The following GOLGA2 variants were observed in gnomAD, a reference collection of about 807,000 sequenced individuals.
GOLGA2 encodes golgin subfamily A member 2.
Under a neutral mutation model 148.8 loss-of-function variants are expected in GOLGA2, and 49 were observed. That is an observed-to-expected ratio of 0.33 (90% confidence interval 0.26 to 0.42). GOLGA2 has a LOEUF of 0.42. GOLGA2 is among the 10% of genes least tolerant of loss of function. The pLI is 1.00. For synonymous variants in GOLGA2, 501 were observed against 511.8 expected, an observed-to-expected ratio of 0.98 and a Z score of 0.28; for missense variants, 1,178 against 1,304.6, an observed-to-expected ratio of 0.90 and a Z score of 1.49.
chr9:128,259,402 AC>A lies in GOLGA2; in HGVS notation c.1873-12del. ...GCTCTTCAGCTCCACCTGTAGGAAG[AC>A]CCTGGGCGTGAGGGCAGGTGGTGGC... On this transcript the variant is annotated splice_polypyrimidine_tract_variant and intron_variant, in intron 19 of 26. Transcript: ENST00000611957. 1 of 1,547,202 alleles carries A rather than the reference AC, an allele frequency of 6.5e-7. No homozygotes were observed. The highest frequency in any genetic ancestry group is 8.8e-7 in the Non-Finnish European group (1 of 1,139,808).
At chr9:128,267,884 T>A in intron 6 of GOLGA2, 50 bp downstream of exon 6, 1 of 1,379,288 alleles carries the variant, frequency 7.3e-7, no homozygotes. Context: ...TCAGTTTCTA[T>A]CATAGTTCCC....
Position 128,259,278 on chromosome 9 carries a change from C to T in GOLGA2, c.1986G>A (p.Val662=), listed in dbSNP as rs753866907. ...TCTGCAGCAGTAGCTGATTATGCAG[C>T]ACCTCCTTCTCAGAGGTCAGCTGCT... The part of the protein sequence containing the change: ...AYQQLTSEKE[V]LHNQLLLQTQ... The change falls in exon 20 of 27, where the codon GTG becomes GTA. Residue 662 remains valine, a synonymous_variant. Coordinates refer to ENST00000611957, the MANE Select transcript of GOLGA2 (RefSeq NM_001366244.2). 6.2e-7 allele frequency: 1 copy of T among 1,611,872 alleles called. No individual in the cohort carries two copies.
In GOLGA2 at chr9:128,261,749, G is replaced by T; in HGVS notation, c.1143C>A (p.Ser381Arg). The T allele has an allele frequency of 1.2e-6, 2 of 1,609,590 alleles. No individual in the cohort carries two copies. Among genetic ancestry groups the T allele is most frequent in the Non-Finnish European group, 1.7e-6 (2 of 1,175,784 alleles). Residue 381 changes from serine (S) to arginine (R), a missense_variant, in exon 15 of 27, where the codon AGC becomes AGA. By Grantham distance (110) the Ser-to-Arg change is moderately radical. Transcript: ENST00000611957. The surrounding 1 kb of genome is among the most constrained non-coding windows in gnomAD (Gnocchi z 5.7). Reference sequence around the variant, plus strand: ...GGTTAGCATCAGGGGCTTCACACCGGCTTGAAAACTGGATGGTGAAGAGCG... The same window carrying T: ...GGTTAGCATCAGGGGCTTCACACCGTCTTGAAAACTGGATGGTGAAGAGCG... ...MTELLLQQFSSRCEAPDANQQ... is the reference protein window; with the variant it reads ...MTELLLQQFSRRCEAPDANQQ...
At chr9:128,270,908 C>T (rs1218724801) in intron 3 of GOLGA2, among the ~76,000 whole-genome samples, 1 of 151,780 alleles carries the variant, frequency 6.6e-6, no homozygotes, top group African/African-American at 2.4e-5. Context: ...AATGGCCGGG[C>T]GTGATGGTGC....
At chr9:128,265,503 A>G (rs1176530959) in intron 12 of GOLGA2, 82 bp downstream of exon 12, 7 of 1,037,516 alleles carry the variant, frequency 6.7e-6, no homozygotes, top group Non-Finnish European at 1.1e-5. Context: ...AGGACAGTCA[A>G]CCCTGCAGAA....
At chr9:128,259,776 A>C (rs1403897226) in intron 19 of GOLGA2, among the ~76,000 whole-genome samples, 1 of 152,244 alleles carries the variant, frequency 6.6e-6, no homozygotes, top group African/African-American at 2.4e-5. Context: ...AATGATGACC[A>C]GTGGAGCAAA....
intron 3 of GOLGA2, among the ~76,000 whole-genome samples, chr9:128,272,040 TA>T (rs145810838): frequency 0.09 from 12,539 of 139,174 alleles, 558 homozygotes; most frequent in East Asian, 0.18. Flanking sequence ...TGAATTAATT[TA>T]AAAAAAAAAA....
In GOLGA2 at chr9:128,260,076, C is replaced by T. The variant is rs1034965776; in HGVS notation, c.1872G>A (p.Thr624=). ...CCCTTCTTGGATGGGGCGGGGTTAC[C>T]GTTTCCTTCAGCTCGCTCAGCTTCT... ...LQEKLSELKE[T]VELKSQEAQS... Residue 624 remains threonine (T), a splice_region_variant and synonymous_variant, in exon 19 of 27, where the codon ACG becomes ACA. Coordinates refer to ENST00000611957, the MANE Select transcript of GOLGA2 (RefSeq NM_001366244.2). The surrounding 1 kb of genome is among the most constrained non-coding windows in gnomAD (Gnocchi z 4.8). The T allele has an allele frequency of 1.0e-5, 16 of 1,603,014 alleles. No homozygotes were observed. The highest frequency in any genetic ancestry group is 1.7e-5 in the Admixed American group (1 of 59,986).
intron 2 of GOLGA2, among the ~76,000 whole-genome samples, chr9:128,273,299 A>T (rs1588493384): frequency 6.6e-6 from 1 of 152,242 alleles, no homozygotes; most frequent in Non-Finnish European, 1.5e-5. Flanking sequence ...ATCCAATGTC[A>T]CCTCACAGAG....
chr9:128,259,621 G>C (rs1453386737), intron 19 of GOLGA2, among the ~76,000 whole-genome samples: 7 of 152,234 alleles, frequency 4.6e-5, no homozygotes, highest in Admixed American at 4.6e-4. Flanking sequence ...GAAACGCAGA[G>C]GGAGCCAACC....
chr9:128,266,494 T>A lies in GOLGA2; in HGVS notation c.643-169A>T, dbSNP rs1012472002. ...CCTCAGGCTCTCAAGGAAAGGGGAT[T>A]TGTGTCTTTGTTGGTTTTTGCCCAC... On this transcript the variant is annotated intron_variant, in intron 8 of 26. Transcript: ENST00000611957. The surrounding 1 kb of genome is among the most constrained non-coding windows in gnomAD (Gnocchi z 4.2). The A allele has an allele frequency of 2.7e-5, 17 of 626,870 alleles. No individual in the cohort carries two copies. The African/African-American group carries it at 2.9e-4, about 11-fold the overall frequency. The allele number at this position is 626,870 out of a possible 1,614,324, so 38.8% of individuals were successfully genotyped here.
In GOLGA2 at chr9:128,267,002, A is replaced by C. The variant is rs563727576; in HGVS notation, c.642+192T>G. 116 of 632,284 alleles carry C rather than the reference A, an allele frequency of 1.8e-4. 4 individuals carry two copies. The South Asian group carries it at 2.2e-3, about 12-fold the overall frequency. 39.2% of individuals were successfully genotyped at this position (632,284 alleles called of 1,614,324 possible). A position where few individuals can be genotyped will look rare whatever the true frequency, so the allele number is the denominator to read the frequency against. ...GGTGTCTAGAGAAGAGAGAGTAGGCAAAGAGGGCAGCAACAGAAGAGCCAT... is the reference window on the plus strand; with the variant it reads ...GGTGTCTAGAGAAGAGAGAGTAGGCCAAGAGGGCAGCAACAGAAGAGCCAT... On this transcript the variant is annotated intron_variant, in intron 8 of 26. Coordinates refer to ENST00000611957, the MANE Select transcript of GOLGA2 (RefSeq NM_001366244.2).
In GOLGA2 at chr9:128,266,115, G is replaced by A; in HGVS notation, c.682-95C>T. 7.2e-7 allele frequency: 1 copy of A among 1,397,706 alleles called. No individual in the cohort carries two copies. 86.6% of individuals were successfully genotyped at this position (1,397,706 alleles called of 1,614,324 possible). A position where few individuals can be genotyped will look rare whatever the true frequency, so the allele number is the denominator to read the frequency against. On this transcript the variant is annotated intron_variant, in intron 9 of 26. Coordinates refer to ENST00000611957, the MANE Select transcript of GOLGA2 (RefSeq NM_001366244.2). The surrounding 1 kb of genome is among the most constrained non-coding windows in gnomAD (Gnocchi z 4.2). ...AGAATGCCACCAATGTCCCAGGACA[G>A]GCCCACCCATGGGACCAGGTTATCA...
chr9:128,275,515 GC>G lies in GOLGA2; in HGVS notation c.84+377del, dbSNP rs891852288. The G allele has an allele frequency of 6.9e-6, 9 of 1,307,614 alleles. No individual in the cohort carries two copies. In the Admixed American group the frequency reaches 1.2e-4, roughly 17 times the overall value. The allele number at this position is 1,307,614 out of a possible 1,614,324, so 81.0% of individuals were successfully genotyped here. The stretch of plus-strand genomic sequence containing the variant: ...GCAGGAGGTGAGGGTCGAGTCTGGA[GC>G]GGGGGGCCCCGGGAGTCACGGGCCC... On this transcript the variant is annotated intron_variant, in intron 1 of 26. Coordinates refer to ENST00000611957, the MANE Select transcript of GOLGA2 (RefSeq NM_001366244.2).
Position 128,266,917 on chromosome 9 carries a change from G to T in GOLGA2, c.642+277C>A. 1.8e-6 allele frequency: 1 copy of T among 549,008 alleles called. No homozygotes were observed. 34.0% of individuals were successfully genotyped at this position (549,008 alleles called of 1,614,324 possible). A position where few individuals can be genotyped will look rare whatever the true frequency, so the allele number is the denominator to read the frequency against. ...ATACAGGGCTCCTGACAACCAGTCA[G>T]GCTAGCGCTTCCCCAAGAGGCAACA... On this transcript the variant is annotated intron_variant, in intron 8 of 26. Coordinates refer to ENST00000611957, the MANE Select transcript of GOLGA2 (RefSeq NM_001366244.2). This position sits in a 1 kb window ranked among gnomAD's most constrained non-coding sequence, Gnocchi z 4.2.
At chr9:128,272,925 G>A in intron 2 of GOLGA2, 60 bp from the exon 3 acceptor site, 1 of 587,420 alleles carries the variant, frequency 1.7e-6, no homozygotes, top group Admixed American at 2.8e-5. Context: ...GTGGCTTAGA[G>A]AGAGGCAAGA....
chr9:128,268,337 A>G, intron 4 of GOLGA2, 83 bp downstream of exon 4: 1 of 1,045,748 alleles, frequency 9.6e-7, no homozygotes, highest in Non-Finnish European at 1.5e-6. Context: ...CCTTGACCCT[A>G]GGGAACAAGC....
chr9:128,263,766 C>T (rs1025778490), intron 12 of GOLGA2, among the ~76,000 whole-genome samples: 1 of 151,698 alleles, frequency 6.6e-6, no homozygotes, highest in Non-Finnish European at 1.5e-5. Context: ...GTTGGCCAGG[C>T]TGGTCTTGAC....
At position 128,265,801 on chromosome 9, in the gene GOLGA2, G is replaced by C; in HGVS notation, c.813C>G (p.Ala271=). ...QTALAHTQHA[A]RQKEGESEDL... The stretch of plus-strand genomic sequence containing the variant: ...CCAGATTCCCACCTTCTTTCTGCCT[G>C]GCAGCATGCTGAGTGTGAGCCAGGG... Residue 271 remains alanine, a synonymous_variant, in exon 11 of 27, where the codon GCC becomes GCG. Coordinates refer to ENST00000611957, the MANE Select transcript of GOLGA2 (RefSeq NM_001366244.2). 1 of 1,613,634 alleles carries C rather than the reference G, an allele frequency of 6.2e-7. No individual in the cohort carries two copies. The highest frequency in any genetic ancestry group is 8.5e-7 in the Non-Finnish European group (1 of 1,179,502).
Sources: allele counts gnomAD v4.1 joint callset (sites outside exome capture counted in the v4.1 genomes callset), GRCh38; gene constraint gnomAD v4.1.1; non-coding constraint Gnocchi (gnomAD v3.1); transcripts MANE v1.5; gene names NCBI Gene and HGNC (gene_info 2026-07-23, HGNC 2026-07-21).